The following BACH2 variants were observed in gnomAD, a reference collection of about 807,000 sequenced individuals.
The protein encoded by BACH2 is transcription regulator protein BACH2.
BACH2 carries 5 observed loss-of-function variants against 61.8 expected under a neutral mutation model. The observed-to-expected ratio is 0.08, with a 90% confidence interval of 0.04 to 0.17. The LOEUF (loss-of-function observed/expected upper bound fraction) is 0.17, where lower values mean the gene tolerates loss of function less well. Ranked by LOEUF, BACH2 falls within the 10% of genes least tolerant of loss-of-function variation. The pLI, the probability that BACH2 is intolerant of heterozygous loss-of-function variation, is 1.00. For synonymous variants in BACH2, 446 were observed against 440.1 expected, an observed-to-expected ratio of 1.01 and a Z score of -0.17; for missense variants, 824 against 1,091.1, an observed-to-expected ratio of 0.76 and a Z score of 3.45.
At chr6:90,122,991 T>C (rs1562459028) in intron 4 of BACH2, among the ~76,000 whole-genome samples, 1 of 152,204 alleles carries the variant, frequency 6.6e-6, no homozygotes, top group Non-Finnish European at 1.5e-5. Flanking sequence ...TTGAATAGTT[T>C]AGAAGGAGTA....
At chr6:90,174,525 A>G (rs547957713) in intron 4 of BACH2, among the ~76,000 whole-genome samples, 18 of 152,200 alleles carry the variant, frequency 1.2e-4, no homozygotes, top group African/African-American at 4.3e-4. Flanking sequence ...GTTCAGTAAG[A>G]CAAGAAAAAA....
chr6:90,073,424 CT>C (rs1406431228), intron 5 of BACH2, among the ~76,000 whole-genome samples: 1 of 152,198 alleles, frequency 6.6e-6, no homozygotes, highest in African/African-American at 2.4e-5. Context: ...AGTAGGCAAT[CT>C]TTTCTGTCAA....
intron 4 of BACH2, among the ~76,000 whole-genome samples, chr6:90,089,869 A>T (rs1165444917): frequency 1.3e-5 from 2 of 152,172 alleles, no homozygotes; most frequent in African/African-American, 4.8e-5. Context: ...TAAATATTAA[A>T]CATTAAATAT....
At chr6:90,176,716 GAC>G (rs1767994687) in intron 4 of BACH2, among the ~76,000 whole-genome samples, 1 of 152,062 alleles carries the variant, frequency 6.6e-6, no homozygotes, top group South Asian at 2.1e-4. Flanking sequence ...CAGTTTTGGT[GAC>G]AGAGTCCAAT....
rs1326516435 is a variant in BACH2, at chr6:90,091,381, A to G, written c.-161-2272T>C. ...TTATATAACACAAAACAGGTTATAC[A>G]TGGAGAAAGACATGAAGACACAGAT... On this transcript the variant is annotated intron_variant, in intron 4 of 8. Coordinates refer to ENST00000257749, the MANE Select transcript of BACH2 (RefSeq NM_021813.4). Among the ~76,000 whole-genome samples the G allele has an allele frequency of 2.0e-5, 3 of 152,346 alleles. No individual in the cohort carries two copies. In the East Asian group the frequency reaches 5.8e-4, roughly 29 times the overall value.
In BACH2 at chr6:89,969,051, T is replaced by C. The variant is rs1349780316; in HGVS notation, c.244-17189A>G. Among the ~76,000 whole-genome samples the C allele has an allele frequency of 1.2e-4, 8 of 66,998 alleles. No homozygotes were observed. The East Asian group carries it at 2.9e-3, about 25-fold the overall frequency. 44.0% of individuals were successfully genotyped at this position (66,998 alleles called of 152,430 possible). A position where few individuals can be genotyped will look rare whatever the true frequency, so the allele number is the denominator to read the frequency against. On this transcript the variant is annotated intron_variant, in intron 6 of 8. Coordinates refer to ENST00000257749, the MANE Select transcript of BACH2 (RefSeq NM_021813.4). ...AAGAATGTGTCTTAAAAATGTAGTC[T>C]TTTTTTTTTTTTTTTTTTTTAGGCT...
At chr6:90,109,930 TA>T (rs1783096253) in intron 4 of BACH2, among the ~76,000 whole-genome samples, 2 of 152,222 alleles carry the variant, frequency 1.3e-5, no homozygotes, top group South Asian at 2.1e-4. Context: ...AACAAAACTT[TA>T]AAAAAATAGA....
At chr6:90,107,328 T>C (rs1243697451) in intron 4 of BACH2, among the ~76,000 whole-genome samples, 2 of 151,684 alleles carry the variant, frequency 1.3e-5, no homozygotes, top group African/African-American at 2.4e-5. Flanking sequence ...GCTGAGATCG[T>C]GCCACTACAT....
At chr6:90,020,581 T>C (rs2127784750) in intron 5 of BACH2, among the ~76,000 whole-genome samples, 1 of 129,594 alleles carries the variant, frequency 7.7e-6, no homozygotes, top group South Asian at 2.7e-4. Flanking sequence ...TCTAGAACTG[T>C]AAGAAATAAT....
chr6:90,265,532 C>A (rs923898365), intron 2 of BACH2, among the ~76,000 whole-genome samples: 5 of 152,184 alleles, frequency 3.3e-5, no homozygotes, highest in African/African-American at 1.2e-4. Context: ...CTATCCTGAA[C>A]ATGGCTGTCT....
At chr6:90,026,796 A>G (rs1778658277) in intron 5 of BACH2, among the ~76,000 whole-genome samples, 1 of 152,212 alleles carries the variant, frequency 6.6e-6, no homozygotes, top group Non-Finnish European at 1.5e-5. Context: ...TCTTAATAAA[A>G]GGAAACTTGC....
intron 4 of BACH2, among the ~76,000 whole-genome samples, chr6:90,113,545 G>A (rs1244426011): frequency 6.6e-6 from 1 of 152,066 alleles, no homozygotes; most frequent in African/African-American, 2.4e-5. Context: ...TGAAAATAAT[G>A]AGAACAAAGA....
At chr6:89,968,874 G>C (rs1775192719) in intron 6 of BACH2, among the ~76,000 whole-genome samples, 2 of 152,052 alleles carry the variant, frequency 1.3e-5, no homozygotes, top group Admixed American at 1.3e-4. Context: ...AGCTGGGTGT[G>C]GTGGCGTATG....
chr6:90,092,291 A>AAAAAAAAAAAAAAAATATATATATATAT, intron 4 of BACH2, among the ~76,000 whole-genome samples: 1 of 113,838 alleles, frequency 8.8e-6, no homozygotes, highest in African/African-American at 3.6e-5. Flanking sequence ...AAAAAAAAAA[A>AAAAAAAAAAAAAAAATATATATATATAT]ATATATATAT....
At chr6:90,194,906 T>C (rs1372121790) in intron 4 of BACH2, among the ~76,000 whole-genome samples, 1 of 152,226 alleles carries the variant, frequency 6.6e-6, no homozygotes, top group East Asian at 1.9e-4. Flanking sequence ...AACTTTGCTT[T>C]GTTTCGAAGA....
chr6:90,108,612 G>A (rs1783029023), intron 4 of BACH2, among the ~76,000 whole-genome samples: 1 of 152,086 alleles, frequency 6.6e-6, no homozygotes, highest in African/African-American at 2.4e-5. Flanking sequence ...TCAGACAGAG[G>A]ATGCTACCTC....
intron 6 of BACH2, among the ~76,000 whole-genome samples, chr6:89,979,291 A>C (rs954046462): frequency 7.2e-5 from 11 of 152,176 alleles, no homozygotes; most frequent in Non-Finnish European, 1.5e-4. Context: ...TTGCTAAATG[A>C]TCTCTTTCAT....
chr6:89,936,403 A>G (rs1412010235), intron 8 of BACH2, among the ~76,000 whole-genome samples: 5 of 152,148 alleles, frequency 3.3e-5, no homozygotes, highest in Non-Finnish European at 7.4e-5. Context: ...CAGCCTCCCA[A>G]AGTACTGCGA....
chr6:90,278,452 A>G (rs974108164), intron 1 of BACH2, among the ~76,000 whole-genome samples: 6 of 152,234 alleles, frequency 3.9e-5, no homozygotes, highest in Admixed American at 2.0e-4. Context: ...TTAGTGCCTC[A>G]ACCGTCTGTT....
Sources: allele counts gnomAD v4.1 joint callset (sites outside exome capture counted in the v4.1 genomes callset), GRCh38; gene constraint gnomAD v4.1.1; transcripts MANE v1.5; gene names NCBI Gene and HGNC (gene_info 2026-07-23, HGNC 2026-07-21).